ARHGAP26: variants seen among roughly 807,000 people sequenced by gnomAD.
ARHGAP26 encodes Rho GTPase activating protein 26, also known as rho GTPase-activating protein 26.
Under a neutral mutation model 104.8 loss-of-function variants are expected in ARHGAP26, and 38 were observed. The ratio of observed to expected loss-of-function variants is 0.36; its 90% confidence interval spans 0.28 to 0.48. The LOEUF (loss-of-function observed/expected upper bound fraction) is 0.48, where lower values mean the gene tolerates loss of function less well. ARHGAP26 is among the 20% of genes least tolerant of loss of function. The pLI is 0.99. For missense variants in ARHGAP26, 704 were observed against 947.9 expected (o/e 0.74, Z 3.38); for synonymous variants, 341 against 340.0 (o/e 1.00, Z -0.03).
At chr5:142,933,763 G>T (rs778925328) in intron 11 of ARHGAP26, among the ~76,000 whole-genome samples, 5 of 152,154 alleles carry the variant, frequency 3.3e-5, no homozygotes, top group Non-Finnish European at 7.4e-5. Context: ...CATGGGCCCT[G>T]CCAGGACCCT....
At chr5:143,100,891 G>A (rs1039038043) in intron 17 of ARHGAP26, among the ~76,000 whole-genome samples, 3 of 152,130 alleles carry the variant, frequency 2.0e-5, no homozygotes, top group Non-Finnish European at 4.4e-5. Flanking sequence ...AAGAGTTCGC[G>A]ACCAGCCTGG....
chr5:142,812,389 T>C (rs1163429269), intron 1 of ARHGAP26, among the ~76,000 whole-genome samples: 1 of 149,408 alleles, frequency 6.7e-6, no homozygotes, highest in Non-Finnish European at 1.5e-5. Context: ...GACAGAGGAG[T>C]GTAGTGGCGT....
intron 11 of ARHGAP26, among the ~76,000 whole-genome samples, chr5:142,941,472 C>T (rs1280338351): frequency 6.6e-6 from 1 of 152,192 alleles, no homozygotes; most frequent in Non-Finnish European, 1.5e-5. Context: ...CTCACCCACC[C>T]CTGATGGCTA....
chr5:142,932,120 G>C lies in ARHGAP26; in HGVS notation c.1102G>C (p.Glu368Gln), dbSNP rs1439074432. ...RLWMEAMDGR[E>Q]PVYNSNKDSQ... ...CTGGATGGAAGCCATGGATGGCCGG[G>C]AACCTGTAAGTAACAATTCAGGGAA... is the stretch of plus-strand genomic sequence containing the variant. Residue 368 changes from glutamate to glutamine, a missense_variant, in exon 11 of 23, where the codon GAA (glutamate) becomes CAA (glutamine). Transcript: ENST00000645722. 2 of 1,614,062 alleles carry C rather than the reference G, an allele frequency of 1.2e-6. No individual in the cohort carries two copies. The highest frequency in any genetic ancestry group is 2.2e-5 in the South Asian group (2 of 91,078).
rs534385915 is a variant in ARHGAP26, at chr5:142,901,349, T to C, written c.598-586T>C. ...AAAATGTGGGAATATGGAAATATTT[T>C]AATAAAGGAATCCATAGTGTTTACT... On this transcript the variant is annotated intron_variant, in intron 6 of 22. Transcript: ENST00000645722. Among the ~76,000 whole-genome samples the C allele has an allele frequency of 3.0e-4, 45 of 152,346 alleles. No individual in the cohort carries two copies. The South Asian group carries it at 8.7e-3, about 29-fold the overall frequency.
intron 5 of ARHGAP26, among the ~76,000 whole-genome samples, chr5:142,889,904 G>A (rs958909291): frequency 2.4e-4 from 37 of 151,714 alleles, no homozygotes; most frequent in African/African-American, 8.9e-4. Context: ...GGAGGCTGAG[G>A]TGGACAGATC....
At chr5:142,880,453 G>GGTTGCA (rs1756809456) in intron 4 of ARHGAP26, among the ~76,000 whole-genome samples, 1 of 152,078 alleles carries the variant, frequency 6.6e-6, no homozygotes, top group African/African-American at 2.4e-5. Flanking sequence ...AGGAGGTGGA[G>GGTTGCA]GTTGCAGTGA....
At chr5:142,907,893 AT>A in intron 9 of ARHGAP26, 89 bp downstream of exon 9, 1 of 761,600 alleles carries the variant, frequency 1.3e-6, no homozygotes, top group Non-Finnish European at 2.0e-6. Context: ...CTCCAGTGTT[AT>A]ATTTATGTTT....
Position 143,152,241 on chromosome 5 carries a change from C to G in ARHGAP26, c.1988+4860C>G, listed in dbSNP as rs149515320. On this transcript the variant is annotated intron_variant, in intron 20 of 22. Coordinates refer to ENST00000645722, the MANE Select transcript of ARHGAP26 (RefSeq NM_001135608.3). ...AACTATGACCTTTAATAATAATGAA[C>G]CAATATAAATATTGGTTCATGAGTT... Among the ~76,000 whole-genome samples the G allele has an allele frequency of 8.2e-4, 124 of 152,122 alleles. 2 individuals are homozygous for G. In the East Asian group the frequency reaches 0.017, roughly 21 times the overall value.
At chr5:143,088,145 T>C (rs538396869) in intron 17 of ARHGAP26, among the ~76,000 whole-genome samples, 1 of 152,334 alleles carries the variant, frequency 6.6e-6, no homozygotes, top group Non-Finnish European at 1.5e-5. Context: ...AGTTCCCCAT[T>C]TTATGTGCTT....
chr5:142,968,993 G>A (rs868204757), intron 11 of ARHGAP26, among the ~76,000 whole-genome samples: 10 of 152,186 alleles, frequency 6.6e-5, no homozygotes, highest in African/African-American at 1.2e-4. Flanking sequence ...GCGCAGTGGC[G>A]CACTCATGGC....
At chr5:143,081,582 G>A (rs185021546) in intron 17 of ARHGAP26, among the ~76,000 whole-genome samples, 9 of 152,282 alleles carry the variant, frequency 5.9e-5, no homozygotes, top group Admixed American at 2.6e-4. Flanking sequence ...CCTACCATCC[G>A]AAGACGGTGA....
At chr5:142,997,597 T>A (rs1434908636) in intron 11 of ARHGAP26, among the ~76,000 whole-genome samples, 1 of 123,530 alleles carries the variant, frequency 8.1e-6, no homozygotes, top group Non-Finnish European at 1.8e-5. Flanking sequence ...TTTTTTTTTT[T>A]AGTAGAGACA....
chr5:142,940,872 C>T (rs1421434294), intron 11 of ARHGAP26, among the ~76,000 whole-genome samples: 1 of 151,704 alleles, frequency 6.6e-6, no homozygotes, highest in Non-Finnish European at 1.5e-5. Context: ...GTCAGGAGAT[C>T]GAGACCATCC....
chr5:142,959,784 A>G (rs1351435755), intron 11 of ARHGAP26, among the ~76,000 whole-genome samples: 1 of 152,232 alleles, frequency 6.6e-6, no homozygotes, highest in African/African-American at 2.4e-5. Context: ...ACCCCTTCAC[A>G]GTAGTACCTA....
intron 20 of ARHGAP26, among the ~76,000 whole-genome samples, chr5:143,197,842 A>G (rs1807101874): frequency 6.6e-6 from 1 of 152,158 alleles, no homozygotes; most frequent in South Asian, 2.1e-4. Context: ...ATTTTTTTCC[A>G]TATAGATATC....
chr5:143,022,967 G>A (rs552652098), intron 12 of ARHGAP26, among the ~76,000 whole-genome samples: 126 of 152,308 alleles, frequency 8.3e-4, no homozygotes, highest in Non-Finnish European at 1.5e-3. Context: ...CTTTGTGGCT[G>A]AGGGGCCATC....
intron 17 of ARHGAP26, among the ~76,000 whole-genome samples, chr5:143,094,160 C>G (rs1247132358): frequency 6.6e-6 from 1 of 152,234 alleles, no homozygotes; most frequent in Admixed American, 6.5e-5. Flanking sequence ...TTTACCGCCC[C>G]TGCGGTTTCT....
intron 1 of ARHGAP26, among the ~76,000 whole-genome samples, chr5:142,844,115 G>A (rs1771402462): frequency 1.3e-5 from 2 of 148,366 alleles, no homozygotes; most frequent in African/African-American, 2.5e-5. Context: ...GTAGTGGCAC[G>A]ATCTCGGCTC....
Sources: gnomAD v4.1 joint callset for allele counts (sites outside exome capture counted in the v4.1 genomes callset) on GRCh38, gnomAD v4.1.1 for gene constraint, MANE v1.5 for transcripts, NCBI Gene and HGNC (gene_info 2026-07-23, HGNC 2026-07-21) for gene names.